DNAH6: variants seen among roughly 807,000 people sequenced by gnomAD.
DNAH6 encodes axonemal beta dynein heavy chain 6.
In DNAH6, 340 loss-of-function variants were observed where a neutral mutation model predicts 491.4. The ratio of observed to expected loss-of-function variants is 0.69; its 90% confidence interval spans 0.63 to 0.76. The LOEUF (loss-of-function observed/expected upper bound fraction) is 0.76. DNAH6 is among the 30% of genes least tolerant of loss of function. DNAH6 has a pLI of 0.00. For synonymous variants in DNAH6, 1,603 were observed against 1,686.1 expected (o/e 0.95, Z 1.21); for missense variants, 4,443 against 4,972.2 (o/e 0.89, Z 3.20).
chr2:84,686,151 G>A (rs993214721), intron 43 of DNAH6, among the ~76,000 whole-genome samples: 4 of 150,000 alleles, frequency 2.7e-5, no homozygotes, highest in Admixed American at 6.6e-5. Flanking sequence ...TCGCATCATT[G>A]CACTCCAGCC....
intron 76 of DNAH6, among the ~76,000 whole-genome samples, chr2:84,816,845 T>C (rs941488306): frequency 3.9e-5 from 6 of 152,002 alleles, no homozygotes; most frequent in African/African-American, 1.5e-4. Flanking sequence ...CCTCAACAGA[T>C]ACACCAAGGG....
chr2:84,690,884 G>T (rs1368319050), intron 45 of DNAH6, among the ~76,000 whole-genome samples: 1 of 152,220 alleles, frequency 6.6e-6, no homozygotes, highest in Non-Finnish European at 1.5e-5. Flanking sequence ...CCATTTGCTG[G>T]TGACATTTTA....
chr2:84,538,590 G>C (rs1224873190), intron 4 of DNAH6, among the ~76,000 whole-genome samples: 2 of 152,064 alleles, frequency 1.3e-5, no homozygotes, highest in Non-Finnish European at 2.9e-5. Flanking sequence ...AAGAACATTA[G>C]ACCTAAATGA....
chr2:84,578,064 G>A (rs1214909043), intron 13 of DNAH6, among the ~76,000 whole-genome samples: 1 of 152,148 alleles, frequency 6.6e-6, no homozygotes, highest in African/African-American at 2.4e-5. Context: ...ACAAAGTTTA[G>A]TAGTTGTGAC....
chr2:84,792,092 G>A (rs76659852), intron 68 of DNAH6, among the ~76,000 whole-genome samples: 3,330 of 152,286 alleles, frequency 0.022, 126 homozygotes, highest in African/African-American at 0.076. Flanking sequence ...GGATGGACCT[G>A]ACTGACATTA....
intron 11 of DNAH6, among the ~76,000 whole-genome samples, chr2:84,569,470 A>T (rs1194198896): frequency 1.3e-5 from 2 of 152,138 alleles, no homozygotes; most frequent in Non-Finnish European, 1.5e-5. Context: ...ACCTTTTAAT[A>T]TAGTTCTTAA....
chr2:84,534,973 TCTTGGTAAAGAGCACTGTAGG>T (rs1460381205), intron 4 of DNAH6, among the ~76,000 whole-genome samples: 2 of 151,988 alleles, frequency 1.3e-5, no homozygotes, highest in Non-Finnish European at 2.9e-5. Context: ...AATAAAATTA[TCTTGGTAAAGAGCACTGTAGG>T]CTTTCGTAAT....
intron 4 of DNAH6, among the ~76,000 whole-genome samples, chr2:84,535,163 T>C (rs1439798254): frequency 1.3e-5 from 2 of 152,020 alleles, no homozygotes; most frequent in Non-Finnish European, 2.9e-5. Flanking sequence ...TTGCTGATAT[T>C]AAGGTCTACA....
At chr2:84,613,541 G>T (rs1270588688) in intron 22 of DNAH6, among the ~76,000 whole-genome samples, 1 of 152,114 alleles carries the variant, frequency 6.6e-6, no homozygotes, top group African/African-American at 2.4e-5. Flanking sequence ...AGATAATCAA[G>T]ACATGGATCT....
intron 54 of DNAH6, among the ~76,000 whole-genome samples, chr2:84,708,484 G>T (rs1330446582): frequency 9.8e-6 from 1 of 101,724 alleles, no homozygotes; most frequent in Non-Finnish European, 2.0e-5. Flanking sequence ...AAGGGGGGGG[G>T]GAGGGAGGGA....
chr2:84,518,901 G>A (rs1189759153), intron 2 of DNAH6, among the ~76,000 whole-genome samples: 2 of 152,110 alleles, frequency 1.3e-5, no homozygotes, highest in Non-Finnish European at 2.9e-5. Flanking sequence ...TAAAAAATAA[G>A]CCAAACGCAT....
intron 64 of DNAH6, among the ~76,000 whole-genome samples, chr2:84,771,799 A>G (rs760367454): frequency 7.9e-5 from 12 of 152,226 alleles, no homozygotes; most frequent in Non-Finnish European, 1.8e-4. Flanking sequence ...GTCTGTCACT[A>G]GTAGAACTGC....
At chr2:84,659,197 C>T (rs1295677156) in intron 37 of DNAH6, 28 bp downstream of exon 37, 1 of 1,185,998 alleles carries the variant, frequency 8.4e-7, no homozygotes. Context: ...TATATTTTAA[C>T]ATAATAATTC....
At position 84,641,963 on chromosome 2, in the gene DNAH6, A is replaced by T; in HGVS notation, c.4987A>T (p.Asn1663Tyr). The change falls in exon 33 of 77, where the codon AAC becomes TAC. Residue 1663 changes from asparagine to tyrosine, a missense_variant. Transcript: ENST00000389394. ...LVMAGSLKRE[N>Y]PDLNEDVVLI... is the part of the protein sequence containing the mutation. ...TAAATTTAGATCTTTAAAAAGAGAA[A>T]ACCCAGACCTAAATGAAGATGTGGT... 6.5e-7 allele frequency: 1 copy of T among 1,549,956 alleles called. No homozygotes were observed. The highest frequency in any genetic ancestry group is 8.7e-7 in the Non-Finnish European group (1 of 1,146,268).
chr2:84,800,862 A>G (rs1280257029), intron 70 of DNAH6, among the ~76,000 whole-genome samples: 1 of 152,042 alleles, frequency 6.6e-6, no homozygotes, highest in Non-Finnish European at 1.5e-5. Context: ...TCCAACAATG[A>G]TAGACTGGAT....
chr2:84,803,273 G>T (rs180907609), intron 70 of DNAH6, among the ~76,000 whole-genome samples: 11 of 152,184 alleles, frequency 7.2e-5, no homozygotes, highest in African/African-American at 2.4e-4. Flanking sequence ...GTAAAGATGG[G>T]AACAATAGAC....
At position 84,516,554 on chromosome 2, in the gene DNAH6, C is replaced by T. The variant is rs1430791211; in HGVS notation, c.-38C>T. 2 of 152,216 alleles carry T rather than the reference C, an allele frequency of 1.3e-5. No individual in the cohort carries two copies. Among genetic ancestry groups the T allele is most frequent in the South Asian group, 2.1e-4 (1 of 4,832 alleles). 9.4% of individuals were successfully genotyped at this position (152,216 alleles called of 1,614,324 possible). On this transcript the variant is annotated 5_prime_UTR_variant, in exon 1 of 77. Coordinates refer to ENST00000389394, the MANE Select transcript of DNAH6 (RefSeq NM_001370.2). Reference sequence around the variant, plus strand: ...ACCAGGCATTGCTCTCTCTGGAGACCCTCGGCGGTGGTTGCTGTATTTTGA... The same window carrying T: ...ACCAGGCATTGCTCTCTCTGGAGACTCTCGGCGGTGGTTGCTGTATTTTGA...
intron 29 of DNAH6, among the ~76,000 whole-genome samples, chr2:84,626,255 A>G (rs1416011382): frequency 6.6e-6 from 1 of 152,196 alleles, no homozygotes; most frequent in Non-Finnish European, 1.5e-5. Context: ...TATTAAATAG[A>G]TGAGGATTTT....
At chr2:84,593,733 A>T (rs1345657004) in intron 16 of DNAH6, among the ~76,000 whole-genome samples, 1 of 152,062 alleles carries the variant, frequency 6.6e-6, no homozygotes, top group Non-Finnish European at 1.5e-5. Context: ...TTAAGTTCTA[A>T]GTTCTAAGGA....
Sources: allele counts gnomAD v4.1 joint callset (sites outside exome capture counted in the v4.1 genomes callset), GRCh38; gene constraint gnomAD v4.1.1; transcripts MANE v1.5; gene names NCBI Gene and HGNC (gene_info 2026-07-23, HGNC 2026-07-21).